Variants in PCDH9 observed in about 807,000 individuals in gnomAD.
PCDH9 encodes protocadherin-9.
PCDH9 carries 24 observed loss-of-function variants against 70.6 expected under a neutral mutation model. The observed-to-expected ratio is 0.34, with a 90% CI of 0.25 to 0.48. The LOEUF is 0.48. PCDH9 is among the 20% of genes least tolerant of loss of function. The pLI, the probability that PCDH9 is intolerant of heterozygous loss-of-function variation, is 0.99. For synonymous variants in PCDH9, 562 were observed against 558.5 expected, an observed-to-expected ratio of 1.01 and a Z score of -0.09; for missense variants, 1,281 against 1,503.6, an observed-to-expected ratio of 0.85 and a Z score of 2.45.
intron 2 of PCDH9, among the ~76,000 whole-genome samples, chr13:67,013,924 A>G (rs2084505154): frequency 6.6e-6 from 1 of 152,028 alleles, no homozygotes; most frequent in Admixed American, 6.6e-5. Context: ...TCTGTGTCCC[A>G]TGCTCTTGTT....
intron 4 of PCDH9, among the ~76,000 whole-genome samples, chr13:66,567,404 T>C (rs890631935): frequency 6.6e-6 from 1 of 152,182 alleles, no homozygotes; most frequent in African/African-American, 2.4e-5. Flanking sequence ...ACTTGTCTTC[T>C]TTCTCCCTTT....
intron 3 of PCDH9, among the ~76,000 whole-genome samples, chr13:66,653,431 CAG>C (rs1361891399): frequency 6.6e-6 from 1 of 152,128 alleles, no homozygotes; most frequent in African/African-American, 2.4e-5. Context: ...CATTGATCAT[CAG>C]AGAAATGTAC....
intron 3 of PCDH9, among the ~76,000 whole-genome samples, chr13:66,892,190 T>C (rs1170235908): frequency 6.7e-6 from 1 of 149,656 alleles, no homozygotes; most frequent in Non-Finnish European, 1.5e-5. Flanking sequence ...TGTGTGTATA[T>C]ATATGTGTTA....
At chr13:67,037,126 C>T (rs373136098) in intron 2 of PCDH9, among the ~76,000 whole-genome samples, 4 of 152,258 alleles carry the variant, frequency 2.6e-5, no homozygotes, top group South Asian at 2.1e-4. Flanking sequence ...CAACTTTCCA[C>T]GAAATCCTAC....
intron 2 of PCDH9, among the ~76,000 whole-genome samples, chr13:66,946,800 A>G (rs2083095353): frequency 1.3e-5 from 2 of 152,228 alleles, no homozygotes; most frequent in African/African-American, 2.4e-5. Context: ...CCCAAAAGGT[A>G]TAATATATAG....
At chr13:67,200,507 CA>C in intron 2 of PCDH9, among the ~76,000 whole-genome samples, 1 of 152,048 alleles carries the variant, frequency 6.6e-6, no homozygotes, top group African/African-American at 2.4e-5. Flanking sequence ...AAACCTAAAC[CA>C]AGTCTCTATA....
At chr13:66,350,714 C>T (rs527304124) in intron 4 of PCDH9, among the ~76,000 whole-genome samples, 1 of 152,316 alleles carries the variant, frequency 6.6e-6, no homozygotes, top group South Asian at 2.1e-4. Flanking sequence ...CTCATCACTT[C>T]CACTCCTAGC....
intron 4 of PCDH9, among the ~76,000 whole-genome samples, chr13:66,515,073 T>C (rs1959668476): frequency 1.3e-5 from 2 of 152,072 alleles, no homozygotes; most frequent in Non-Finnish European, 2.9e-5. Flanking sequence ...TTCTGGTTCT[T>C]TAGCATCTAA....
chr13:67,002,915 T>G (rs2084274612), intron 2 of PCDH9, among the ~76,000 whole-genome samples: 1 of 152,102 alleles, frequency 6.6e-6, no homozygotes, highest in Non-Finnish European at 1.5e-5. Context: ...TAGTATTTTT[T>G]TTTCATTTTC....
chr13:67,039,298 A>G (rs141082539), intron 2 of PCDH9, among the ~76,000 whole-genome samples: 2 of 152,288 alleles, frequency 1.3e-5, no homozygotes, highest in East Asian at 3.9e-4. Context: ...GGCAGAACCT[A>G]AGTACCGGAC....
intron 2 of PCDH9, among the ~76,000 whole-genome samples, chr13:67,076,371 AC>A (rs954312855): frequency 2.6e-5 from 4 of 152,190 alleles, no homozygotes; most frequent in African/African-American, 9.6e-5. Flanking sequence ...ATAACTATAA[AC>A]ATGCGTAATT....
chr13:67,114,960 C>T (rs1210569602), intron 2 of PCDH9, among the ~76,000 whole-genome samples: 1 of 151,934 alleles, frequency 6.6e-6, no homozygotes, highest in Non-Finnish European at 1.5e-5. Context: ...TTACACTTAC[C>T]CGTTTGTGTT....
chr13:66,980,730 G>GTTTTTTTTTTTTTTTTTTTTT lies in PCDH9; in HGVS notation c.3037-77126_3037-77125insAAAAAAAAAAAAAAAAAAAAA. 6.1e-4 allele frequency among the ~76,000 whole-genome samples: 43 copies of GTTTTTTTTTTTTTTTTTTTTT among 70,890 alleles called. 6 individuals are homozygous for GTTTTTTTTTTTTTTTTTTTTT. Among genetic ancestry groups the GTTTTTTTTTTTTTTTTTTTTT allele is most frequent in the Non-Finnish European group, 8.5e-4 (32 of 37,614 alleles). 46.5% of individuals were successfully genotyped at this position (70,890 alleles called of 152,430 possible). A position where few individuals can be genotyped will look rare whatever the true frequency, so the allele number is the denominator to read the frequency against. ...TTTGTTTTTTCCTGTTTTTTTCTTT[G>GTTTTTTTTTTTTTTTTTTTTT]TTTTTTTTTTTGTTTTTTTTTTTAC... On this transcript the variant is annotated intron_variant, in intron 2 of 4. Transcript: ENST00000377865.
At chr13:67,159,642 T>C (rs768362402) in intron 2 of PCDH9, among the ~76,000 whole-genome samples, 6 of 152,206 alleles carry the variant, frequency 3.9e-5, no homozygotes, top group Non-Finnish European at 8.8e-5. Context: ...TTAAAACCTT[T>C]AAGATAACTG....
chr13:66,852,427 T>C (rs2081328942), intron 3 of PCDH9, among the ~76,000 whole-genome samples: 1 of 152,058 alleles, frequency 6.6e-6, no homozygotes, highest in Non-Finnish European at 1.5e-5. Context: ...TTAAACCCTA[T>C]AAAGGTAAAA....
intron 2 of PCDH9, among the ~76,000 whole-genome samples, chr13:67,152,806 G>C (rs1244800876): frequency 6.6e-6 from 1 of 152,116 alleles, no homozygotes; most frequent in Non-Finnish European, 1.5e-5. Flanking sequence ...TCACACTGAA[G>C]GAGTAAGAAT....
intron 4 of PCDH9, among the ~76,000 whole-genome samples, chr13:66,394,694 AG>A (rs1957073089): frequency 6.6e-6 from 1 of 152,162 alleles, no homozygotes; most frequent in African/African-American, 2.4e-5. Context: ...TTTGGTGTTT[AG>A]TTAAAGACAA....
At chr13:66,532,161 T>C (rs1409886658) in intron 4 of PCDH9, among the ~76,000 whole-genome samples, 1 of 145,050 alleles carries the variant, frequency 6.9e-6, no homozygotes, top group African/African-American at 2.5e-5. Context: ...CAGCTATTTT[T>C]TAGTGGTTTT....
intron 2 of PCDH9, chr13:67,210,020 AT>A (rs1446947161): frequency 6.6e-6 from 1 of 152,068 alleles, no homozygotes; most frequent in Admixed American, 6.6e-5. Flanking sequence ...ACTGTTTGAT[AT>A]TTTTATTACA....
Sources: gnomAD v4.1 joint callset for allele counts (sites outside exome capture counted in the v4.1 genomes callset) on GRCh38, gnomAD v4.1.1 for gene constraint, MANE v1.5 for transcripts, NCBI Gene and HGNC (gene_info 2026-07-23, HGNC 2026-07-21) for gene names.